Variants in JARID2 observed in about 807,000 individuals in gnomAD.
JARID2 encodes protein Jumonji.
Under a neutral mutation model 125.6 loss-of-function variants are expected in JARID2, and 21 were observed. The observed-to-expected ratio is 0.17, with a 90% CI of 0.12 to 0.24. JARID2 has a LOEUF of 0.24. Among genes scored for constraint, JARID2 ranks in the 10% least tolerant of loss-of-function variants. The probability of loss-of-function intolerance (pLI) is 1.00; values close to 1 mark genes in which losing one functional copy is unlikely to be tolerated. For synonymous variants in JARID2, 736 were observed against 661.6 expected (o/e 1.11, Z -1.73); for missense variants, 1,303 against 1,639.6 (o/e 0.79, Z 3.55).
At chr6:15,415,271 C>A (rs1261143428) in intron 3 of JARID2, among the ~76,000 whole-genome samples, 1 of 152,268 alleles carries the variant, frequency 6.6e-6, no homozygotes, top group African/African-American at 2.4e-5. Context: ...ACCTTTCCCC[C>A]CTTTCTATTC....
chr6:15,512,435 G>GT (rs1220052448), intron 14 of JARID2, 45 bp downstream of exon 14: 1 of 1,582,590 alleles, frequency 6.3e-7, no homozygotes, highest in Non-Finnish European at 8.7e-7. Context: ...CCGCATCCCT[G>GT]TGAGTGCCGT....
In JARID2 at chr6:15,251,295, C is replaced by T. The variant is rs376624579; in HGVS notation, c.45+4711C>T. Among the ~76,000 whole-genome samples, 10 of 152,330 alleles carry T rather than the reference C, an allele frequency of 6.6e-5. 1 individual carries two copies. Among genetic ancestry groups the T allele is most frequent in the East Asian group, 3.9e-4 (2 of 5,182 alleles). ...CCTCCCAAAGTGCTGGGATTACAGG[C>T]GTGAGCCACTGCACCCAGCCAGCTG... On this transcript the variant is annotated intron_variant, in intron 1 of 17. Transcript: ENST00000341776.
intron 2 of JARID2, among the ~76,000 whole-genome samples, chr6:15,396,131 T>G (rs1444563383): frequency 6.6e-6 from 1 of 152,266 alleles, no homozygotes; most frequent in Non-Finnish European, 1.5e-5. Context: ...GTGTTCACCT[T>G]TTAAAATTCA....
chr6:15,498,642 A>C (rs1770579070), intron 7 of JARID2, among the ~76,000 whole-genome samples: 1 of 152,236 alleles, frequency 6.6e-6, no homozygotes, highest in Non-Finnish European at 1.5e-5. Context: ...ATTTGGCAGC[A>C]AGATAGGCTT....
chr6:15,438,443 A>G (rs996308268), intron 3 of JARID2, among the ~76,000 whole-genome samples: 1 of 151,534 alleles, frequency 6.6e-6, no homozygotes, highest in African/African-American at 2.4e-5. Context: ...GTACGTACGT[A>G]GCTTTTTTCA....
chr6:15,336,320 G>T (rs908883321), intron 1 of JARID2, among the ~76,000 whole-genome samples: 2 of 152,208 alleles, frequency 1.3e-5, no homozygotes, highest in Admixed American at 6.5e-5. Context: ...TTTCGCTATT[G>T]CGAAGATTTC....
intron 1 of JARID2, chr6:15,248,747 C>T (rs1177672873): frequency 1.1e-5 from 2 of 186,502 alleles, no homozygotes; most frequent in Non-Finnish European, 2.0e-5. Context: ...GTCATTGTGA[C>T]GTCACAAAGG....
chr6:15,397,442 T>G (rs1765260542), intron 2 of JARID2, among the ~76,000 whole-genome samples: 1 of 152,250 alleles, frequency 6.6e-6, no homozygotes, highest in East Asian at 1.9e-4. Context: ...ATTAGTAGTT[T>G]TGGGGAAATT....
At chr6:15,471,965 A>T (rs1769096519) in intron 5 of JARID2, among the ~76,000 whole-genome samples, 1 of 151,992 alleles carries the variant, frequency 6.6e-6, no homozygotes, top group South Asian at 2.1e-4. Flanking sequence ...ATCTTAGGAG[A>T]TTCTACTTTT....
chr6:15,467,079 A>G (rs1456406155), intron 4 of JARID2, among the ~76,000 whole-genome samples: 2 of 152,180 alleles, frequency 1.3e-5, no homozygotes, highest in Non-Finnish European at 2.9e-5. Context: ...GTTTTTGAAC[A>G]TTGATAGGTC....
intron 4 of JARID2, among the ~76,000 whole-genome samples, chr6:15,460,811 TCTC>T (rs1433619525): frequency 3.3e-5 from 5 of 152,190 alleles, no homozygotes; most frequent in African/African-American, 1.2e-4. Flanking sequence ...TTCAAGGTAT[TCTC>T]CTGTCTCAGC....
chr6:15,401,498 C>T (rs373915726), intron 2 of JARID2, among the ~76,000 whole-genome samples: 2 of 152,192 alleles, frequency 1.3e-5, no homozygotes, highest in Non-Finnish European at 2.9e-5. Flanking sequence ...AGTTCATCCT[C>T]ACCATAGCTC....
chr6:15,399,092 G>T (rs1765324826), intron 2 of JARID2, among the ~76,000 whole-genome samples: 1 of 152,192 alleles, frequency 6.6e-6, no homozygotes, highest in South Asian at 2.1e-4. Context: ...GACTTACGCT[G>T]TAGTGGGGTG....
intron 1 of JARID2, among the ~76,000 whole-genome samples, chr6:15,346,148 G>A (rs1472366164): frequency 6.6e-6 from 1 of 152,156 alleles, no homozygotes; most frequent in African/African-American, 2.4e-5. Flanking sequence ...GCATCTATTT[G>A]GTGAACATTA....
intron 1 of JARID2, among the ~76,000 whole-genome samples, chr6:15,299,052 G>A (rs1450135497): frequency 6.6e-6 from 1 of 151,694 alleles, no homozygotes; most frequent in Non-Finnish European, 1.5e-5. Flanking sequence ...ATAATTTTGG[G>A]GTGCTTGGGT....
intron 5 of JARID2, among the ~76,000 whole-genome samples, chr6:15,485,612 G>A (rs1258340249): frequency 6.6e-6 from 1 of 152,110 alleles, no homozygotes; most frequent in African/African-American, 2.4e-5. Context: ...ATTAAAACAT[G>A]TCATACTGTA....
intron 1 of JARID2, among the ~76,000 whole-genome samples, chr6:15,273,797 G>A (rs922642378): frequency 6.6e-6 from 1 of 152,070 alleles, no homozygotes; most frequent in African/African-American, 2.4e-5. Context: ...TAGGACCCTG[G>A]CTTTGAGTCA....
At chr6:15,480,933 C>T (rs1255728786) in intron 5 of JARID2, among the ~76,000 whole-genome samples, 2 of 152,198 alleles carry the variant, frequency 1.3e-5, no homozygotes, top group Non-Finnish European at 2.9e-5. Context: ...TCTAAATATG[C>T]GAACAAAGCT....
intron 1 of JARID2, among the ~76,000 whole-genome samples, chr6:15,262,821 G>T (rs541407876): frequency 5.0e-4 from 76 of 152,282 alleles, no homozygotes; most frequent in African/African-American, 1.6e-3. Context: ...GAGCCACCGT[G>T]CCCGGCCCGT....
Sources: gnomAD v4.1 joint callset for allele counts (sites outside exome capture counted in the v4.1 genomes callset) on GRCh38, gnomAD v4.1.1 for gene constraint, MANE v1.5 for transcripts, NCBI Gene and HGNC (gene_info 2026-07-23, HGNC 2026-07-21) for gene names.